The following NRF1 variants were observed in gnomAD, a reference collection of about 807,000 sequenced individuals.
NRF1 encodes alpha palindromic-binding protein.
A neutral mutation model predicts 58.5 loss-of-function variants in NRF1; 5 were observed. The ratio of observed to expected loss-of-function variants is 0.09; its 90% CI spans 0.04 to 0.18. NRF1 has a LOEUF of 0.18. Ranked by LOEUF, NRF1 falls within the 10% of genes least tolerant of loss-of-function variation. The pLI is 1.00. For synonymous variants in NRF1, 224 were observed against 246.7 expected, an observed-to-expected ratio of 0.91 and a Z score of 0.86; for missense variants, 288 against 657.7, an observed-to-expected ratio of 0.44 and a Z score of 6.15.
intron 1 of NRF1, among the ~76,000 whole-genome samples, chr7:129,638,057 C>T (rs1801208294): frequency 6.6e-6 from 1 of 151,582 alleles, no homozygotes; most frequent in African/African-American, 2.4e-5. Flanking sequence ...GGAGTCTATT[C>T]TAAAGTAGAC....
intron 3 of NRF1, among the ~76,000 whole-genome samples, chr7:129,673,909 G>A (rs1802114845): frequency 6.6e-6 from 1 of 152,112 alleles, no homozygotes; most frequent in Non-Finnish European, 1.5e-5. Flanking sequence ...GGAGGCCGAG[G>A]TGGGCGGATC....
chr7:129,726,586 C>G (rs916616919), intron 9 of NRF1, among the ~76,000 whole-genome samples: 1 of 152,112 alleles, frequency 6.6e-6, no homozygotes, highest in Non-Finnish European at 1.5e-5. Flanking sequence ...TTTGGACTTG[C>G]AGTGATAATT....
intron 1 of NRF1, among the ~76,000 whole-genome samples, chr7:129,627,132 A>G (rs1265277227): frequency 6.6e-6 from 1 of 152,242 alleles, no homozygotes; most frequent in Non-Finnish European, 1.5e-5. Flanking sequence ...GCTAAGCAGA[A>G]ATTGTGTGTT....
At chr7:129,698,960 C>CTT (rs1342751174) in intron 5 of NRF1, among the ~76,000 whole-genome samples, 8 of 152,124 alleles carry the variant, frequency 5.3e-5, no homozygotes, top group African/African-American at 1.7e-4. Flanking sequence ...TAGAAGACAT[C>CTT]CAGGCAAAGA....
intron 1 of NRF1, among the ~76,000 whole-genome samples, chr7:129,639,786 G>A (rs1801248867): frequency 1.3e-5 from 2 of 152,082 alleles, no homozygotes; most frequent in South Asian, 2.1e-4. Context: ...GGCCTCAGGT[G>A]ATCCGCCTGC....
At chr7:129,695,228 TAACATAA>T (rs954217048) in intron 5 of NRF1, among the ~76,000 whole-genome samples, 11 of 151,984 alleles carry the variant, frequency 7.2e-5, no homozygotes, top group African/African-American at 2.7e-4. Context: ...TCTATAACAT[TAACATAA>T]AACATGCCCA....
intron 1 of NRF1, among the ~76,000 whole-genome samples, chr7:129,619,474 G>A (rs1190094170): frequency 7.4e-5 from 2 of 27,056 alleles, no homozygotes; most frequent in African/African-American, 1.6e-4. Flanking sequence ...GTGTGTGTGT[G>A]TGTGTGTGTG....
intron 5 of NRF1, among the ~76,000 whole-genome samples, chr7:129,695,947 G>T (rs1025740829): frequency 1.3e-5 from 2 of 150,984 alleles, no homozygotes; most frequent in African/African-American, 2.4e-5. Flanking sequence ...GTTAGGCCGG[G>T]CGCAGTGGCT....
chr7:129,651,855 A>G (rs1801545642), intron 1 of NRF1, among the ~76,000 whole-genome samples: 1 of 152,194 alleles, frequency 6.6e-6, no homozygotes, highest in African/African-American at 2.4e-5. Flanking sequence ...CTCACATAAA[A>G]CAGGATATGG....
Position 129,709,213 on chromosome 7 carries a change from A to G in NRF1, c.745A>G (p.Thr249Ala). 2.0e-6 allele frequency: 3 copies of G among 1,516,660 alleles called. No individual in the cohort carries two copies. Among genetic ancestry groups the G allele is most frequent in the Non-Finnish European group, 2.7e-6 (3 of 1,126,260 alleles). 94.0% of individuals were successfully genotyped at this position (1,516,660 alleles called of 1,614,324 possible). A position where few individuals can be genotyped will look rare whatever the true frequency, so the allele number is the denominator to read the frequency against. ...GGCAAATGTCCGGAGTGATGTCCGC[A>G]CAGAAGAGCAAAAGCAGAGGGTGAG... ...PWANVRSDVR[T>A]EEQKQRVSWT... Residue 249 changes from threonine to alanine, a missense_variant, in exon 6 of 11, where the codon ACA becomes GCA. Around this residue, in one of 3 missense-constraint regions of NRF1, gnomAD observed 212 missense variants for 559.7 expected, o/e 0.38. Coordinates refer to ENST00000393232, the MANE Select transcript of NRF1 (RefSeq NM_005011.5).
chr7:129,677,257 G>A (rs535963302), intron 3 of NRF1, among the ~76,000 whole-genome samples: 8 of 152,100 alleles, frequency 5.3e-5, no homozygotes, highest in East Asian at 1.9e-4. Flanking sequence ...CAAGTGATCC[G>A]CCTGCCTTGG....
chr7:129,752,756 AAG>A (rs533781567), intron 10 of NRF1, among the ~76,000 whole-genome samples: 1 of 152,212 alleles, frequency 6.6e-6, no homozygotes, highest in Non-Finnish European at 1.5e-5. Context: ...GGTGAACTGA[AAG>A]AGAGATTAAT....
intron 2 of NRF1, among the ~76,000 whole-genome samples, chr7:129,668,034 G>C (rs1259508075): frequency 6.6e-6 from 1 of 152,054 alleles, no homozygotes; most frequent in Non-Finnish European, 1.5e-5. Context: ...CAAAGTGCTG[G>C]ATTACAAGCT....
intron 1 of NRF1, among the ~76,000 whole-genome samples, chr7:129,656,454 G>A (rs926028595): frequency 6.6e-6 from 1 of 151,378 alleles, no homozygotes; most frequent in South Asian, 2.1e-4. Context: ...CTTCTGGGGT[G>A]GGGGGGAGTG....
At chr7:129,626,954 C>A (rs910201088) in intron 1 of NRF1, among the ~76,000 whole-genome samples, 86 of 152,204 alleles carry the variant, frequency 5.7e-4, no homozygotes, top group African/African-American at 1.8e-3. Flanking sequence ...AGACTAGAGA[C>A]ATAGGTGAAG....
chr7:129,712,468 T>G (rs1246890480), intron 8 of NRF1, among the ~76,000 whole-genome samples: 2 of 152,174 alleles, frequency 1.3e-5, no homozygotes, highest in African/African-American at 4.8e-5. Flanking sequence ...AAAGTCACTT[T>G]CATTTGTGCC....
At chr7:129,614,113 C>T (rs926017183) in intron 1 of NRF1, among the ~76,000 whole-genome samples, 42 of 152,140 alleles carry the variant, frequency 2.8e-4, no homozygotes, top group South Asian at 1.2e-3. Context: ...GGAAATAGTT[C>T]TCTTTTTCTT....
At chr7:129,612,339 C>T (rs1433096099) in intron 1 of NRF1, among the ~76,000 whole-genome samples, 1 of 151,836 alleles carries the variant, frequency 6.6e-6, no homozygotes, top group Non-Finnish European at 1.5e-5. Flanking sequence ...GGCTGGGGCG[C>T]GGGAGCCGCT....
intron 10 of NRF1, among the ~76,000 whole-genome samples, chr7:129,751,849 T>C (rs1471476619): frequency 6.6e-6 from 1 of 152,228 alleles, no homozygotes; most frequent in Non-Finnish European, 1.5e-5. Context: ...TCGTTAACTT[T>C]GCCTGTTTTG....
Sources: allele counts gnomAD v4.1 joint callset (sites outside exome capture counted in the v4.1 genomes callset), GRCh38; gene constraint gnomAD v4.1.1; regional missense constraint gnomAD v4.1.1; transcripts MANE v1.5; gene names NCBI Gene and HGNC (gene_info 2026-07-23, HGNC 2026-07-21).